MYO18B: variants seen among roughly 807,000 people sequenced by gnomAD.
MYO18B encodes unconventional myosin-XVIIIb.
Under a neutral mutation model 273.0 loss-of-function variants are expected in MYO18B, and 204 were observed. The ratio of observed to expected loss-of-function variants is 0.75; its 90% CI spans 0.67 to 0.84. The LOEUF (loss-of-function observed/expected upper bound fraction) is 0.84, where lower values mean the gene tolerates loss of function less well. Among genes scored for constraint, MYO18B ranks in the 40% least tolerant of loss-of-function variants. The probability of loss-of-function intolerance (pLI) is 0.00; values close to 1 mark genes in which losing one functional copy is unlikely to be tolerated. For missense variants in MYO18B, 3,212 were observed against 3,287.6 expected, an observed-to-expected ratio of 0.98 and a Z score of 0.56; for synonymous variants, 1,330 against 1,305.7, an observed-to-expected ratio of 1.02 and a Z score of -0.40.
intron 23 of MYO18B, among the ~76,000 whole-genome samples, chr22:25,874,791 A>G (rs2091146093): frequency 6.6e-6 from 1 of 152,200 alleles, no homozygotes; most frequent in Non-Finnish European, 1.5e-5. Flanking sequence ...ATTTAGGGTC[A>G]CCATCTTCAG....
chr22:25,971,723 T>C (rs977165411), intron 39 of MYO18B, among the ~76,000 whole-genome samples: 1 of 152,202 alleles, frequency 6.6e-6, no homozygotes, highest in South Asian at 2.1e-4. Context: ...GTATGCAAAT[T>C]AAGATTCTGT....
chr22:25,768,748 C>A lies in MYO18B; in HGVS notation c.832C>A (p.Arg278=). The part of the protein sequence containing the change: ...PQAQGPGEGV[R]PGKAEKEGAE... Reference sequence around the variant, plus strand: ...AGCCCAAGGGCCCGGCGAGGGGGTGCGACCAGGGAAAGCAGAGAAGGAGGG... The same window carrying A: ...AGCCCAAGGGCCCGGCGAGGGGGTGAGACCAGGGAAAGCAGAGAAGGAGGG... The change falls in exon 4 of 44, where the codon CGA becomes AGA. Residue 278 remains arginine, a synonymous_variant. Coordinates refer to ENST00000335473, the MANE Select transcript of MYO18B (RefSeq NM_032608.7). 1.2e-6 allele frequency: 2 copies of A among 1,603,560 alleles called. No homozygotes were observed. The highest frequency in any genetic ancestry group is 1.7e-4 in the Middle Eastern group (1 of 6,036).
chr22:26,031,278 G>A (rs926174553), downstream of MYO18B, among the ~76,000 whole-genome samples: 10 of 152,064 alleles, frequency 6.6e-5, no homozygotes, highest in Admixed American at 2.6e-4. Context: ...GCTCCCACCC[G>A]TGGGAGGGAA....
chr22:25,933,534 G>A (rs1384538093), intron 34 of MYO18B, among the ~76,000 whole-genome samples: 2 of 152,086 alleles, frequency 1.3e-5, no homozygotes, highest in East Asian at 3.8e-4. Context: ...CTTGTATCTT[G>A]CCTTTTTTCC....
intron 25 of MYO18B, among the ~76,000 whole-genome samples, chr22:25,888,787 C>T (rs1036621829): frequency 6.6e-6 from 1 of 152,110 alleles, no homozygotes; most frequent in Non-Finnish European, 1.5e-5. Flanking sequence ...AGTGCTTCCC[C>T]CAAGCCTTCT....
the MYO18B span, among the ~76,000 whole-genome samples, chr22:26,038,949 G>A: frequency 6.6e-6 from 1 of 152,184 alleles, no homozygotes; most frequent in Non-Finnish European, 1.5e-5. Flanking sequence ...AAAGCACTTT[G>A]AATTGGTCCT....
chr22:25,990,703 AAAAAAAAAAAAAAAAAAGAAAAAG>A (rs1555981166), intron 39 of MYO18B, among the ~76,000 whole-genome samples: 8,715 of 53,324 alleles, frequency 0.16, 1,881 homozygotes, highest in African/African-American at 0.27. Context: ...AAAAAAAAAA[AAAAAAAAAAAAAAAAAAGAAAAAG>A]AAAAAAAAAA....
In MYO18B at chr22:25,890,712, T is replaced by C. The variant is rs760627454; in HGVS notation, c.4315-44T>C. ...GCATGGGGAGAGAAGGGTTGGTGGC[T>C]CCATCGAGTGACCGTTCCTTGATCA... On this transcript the variant is annotated intron_variant, in intron 25 of 43. Transcript: ENST00000335473. The C allele has an allele frequency of 2.4e-5, 39 of 1,607,368 alleles. No homozygotes were observed. In the South Asian group the frequency reaches 4.2e-4, roughly 17 times the overall value.
At chr22:25,797,270 A>T (rs892888347) in intron 11 of MYO18B, among the ~76,000 whole-genome samples, 1 of 152,090 alleles carries the variant, frequency 6.6e-6, no homozygotes, top group Non-Finnish European at 1.5e-5. Context: ...TCGACCACCT[A>T]TTGTCTCCCC....
At chr22:25,957,912 CTT>C (rs1330432024) in intron 39 of MYO18B, among the ~76,000 whole-genome samples, 33 of 128,864 alleles carry the variant, frequency 2.6e-4, no homozygotes, top group African/African-American at 5.7e-4. Context: ...AACGCTTTTG[CTT>C]TTTTTTTTTT....
chr22:25,991,160 G>A (rs960067538), intron 39 of MYO18B, among the ~76,000 whole-genome samples: 2 of 152,190 alleles, frequency 1.3e-5, no homozygotes, highest in African/African-American at 2.4e-5. Flanking sequence ...ATTGCTGGGT[G>A]ATGAGGCAGA....
rs1420877634 is a variant in MYO18B at position 25,852,331 on chromosome 22, A to G, written c.3885+752A>G. Among the ~76,000 whole-genome samples, 3 of 152,230 alleles carry G rather than the reference A, an allele frequency of 2.0e-5. No homozygotes were observed. The East Asian group carries it at 5.8e-4, about 29-fold the overall frequency. On this transcript the variant is annotated intron_variant, in intron 21 of 43. Coordinates refer to ENST00000335473, the MANE Select transcript of MYO18B (RefSeq NM_032608.7). The stretch of plus-strand genomic sequence containing the variant: ...GATGTTTATGTAGCACTTATCTGAA[A>G]TAATGTGAATCTCCTCTGTGTTTTC...
intron 21 of MYO18B, among the ~76,000 whole-genome samples, chr22:25,852,784 A>T (rs2090461641): frequency 6.6e-6 from 1 of 152,162 alleles, no homozygotes; most frequent in African/African-American, 2.4e-5. Flanking sequence ...TCATAAAGGG[A>T]GGTACTTCAA....
intron 34 of MYO18B, among the ~76,000 whole-genome samples, chr22:25,930,720 C>T (rs1271681513): frequency 3.3e-5 from 5 of 152,126 alleles, no homozygotes; most frequent in Admixed American, 2.0e-4. Context: ...GTGATCCACC[C>T]GCCTTGGCGT....
chr22:26,009,291 C>T (rs753466469), intron 42 of MYO18B, among the ~76,000 whole-genome samples: 1 of 152,168 alleles, frequency 6.6e-6, no homozygotes, highest in Non-Finnish European at 1.5e-5. Context: ...GGACTTCTTT[C>T]TCCCTAAAAC....
At chr22:25,742,484 A>G (rs887497692) in intron 1 of MYO18B, among the ~76,000 whole-genome samples, 191 bp downstream of exon 1, 5 of 152,070 alleles carry the variant, frequency 3.3e-5, no homozygotes, top group Non-Finnish European at 5.9e-5. Flanking sequence ...TTTGAAAACA[A>G]GAGTGTTTCG....
intron 42 of MYO18B, among the ~76,000 whole-genome samples, chr22:26,009,221 T>A (rs892601946): frequency 6.6e-6 from 1 of 152,162 alleles, no homozygotes; most frequent in East Asian, 1.9e-4. Flanking sequence ...GCCCCCATAT[T>A]CCCTCTGGTC....
intron 9 of MYO18B, among the ~76,000 whole-genome samples, chr22:25,781,051 C>T (rs2087127492): frequency 6.6e-6 from 1 of 152,182 alleles, no homozygotes; most frequent in South Asian, 2.1e-4. Flanking sequence ...CCCTTCATGC[C>T]AAATAAGTCC....
intron 40 of MYO18B, among the ~76,000 whole-genome samples, chr22:25,996,348 G>A (rs1389595718): frequency 6.6e-6 from 1 of 152,200 alleles, no homozygotes; most frequent in African/African-American, 2.4e-5. Flanking sequence ...GCGAGATGCT[G>A]TGTTAAGTGC....
Sources: allele counts gnomAD v4.1 joint callset (sites outside exome capture counted in the v4.1 genomes callset), GRCh38; gene constraint gnomAD v4.1.1; transcripts MANE v1.5; gene names NCBI Gene and HGNC (gene_info 2026-07-23, HGNC 2026-07-21).